ABI3BP: variants seen among roughly 807,000 people sequenced by gnomAD.
ABI3BP encodes ABI family member 3 binding protein.
A neutral mutation model predicts 268.6 loss-of-function variants in ABI3BP; 216 were observed. That is an observed-to-expected ratio of 0.80 (90% CI 0.72 to 0.90). The LOEUF is 0.90. Ranked by LOEUF, ABI3BP falls within the 40% of genes least tolerant of loss-of-function variation. ABI3BP has a pLI of 0.00. For synonymous variants in ABI3BP, 730 were observed against 730.0 expected (o/e 1.00, Z 0.00); for missense variants, 2,090 against 2,182.4 (o/e 0.96, Z 0.84).
chr3:100,989,484 G>T (rs1381628148), intron 1 of ABI3BP, among the ~76,000 whole-genome samples: 2 of 152,108 alleles, frequency 1.3e-5, no homozygotes, highest in Non-Finnish European at 2.9e-5. Context: ...TGTTCCTAAA[G>T]TCAGAGATTT....
intron 22 of ABI3BP, among the ~76,000 whole-genome samples, 161 bp downstream of exon 22, chr3:100,840,659 C>A (rs764568555): frequency 2.0e-5 from 3 of 152,046 alleles, no homozygotes; most frequent in Admixed American, 2.0e-4. Context: ...AGTTTATAAA[C>A]TATACCTATA....
In ABI3BP at chr3:100,992,782, C is replaced by A. The variant is rs562289762; in HGVS notation, c.79+524G>T. On this transcript the variant is annotated intron_variant, in intron 1 of 67. Transcript: ENST00000471714. ...AACAGCTCAAGCCCTCTTCCAAACT[C>A]CACTGGAGGGACGTGTCTGCAAATC... Among the ~76,000 whole-genome samples the A allele has an allele frequency of 7.7e-4, 118 of 152,318 alleles. 2 individuals are homozygous for A. Among genetic ancestry groups the A allele is most frequent in the African/African-American group, 2.8e-3 (116 of 41,568 alleles).
Position 100,775,249 on chromosome 3 carries a change from CTG to C in ABI3BP, c.4418_4419del (p.Thr1473ArgfsTer19), listed in dbSNP as rs2096666655. 1 of 1,611,602 alleles carries C rather than the reference CTG, an allele frequency of 6.2e-7. No homozygotes were observed. Among genetic ancestry groups the C allele is most frequent in the Non-Finnish European group, 8.5e-7 (1 of 1,178,890 alleles). ...GCAGGAACTGTTGGTTGCTTTATAT[CTG>C]TCTCTATTCTCTCCAAGGGAGTTCC... is the stretch of plus-strand genomic sequence containing the variant. ...PTGTPLERIE[T>X]DIKQPTVPAS... is the part of the protein sequence containing the mutation. On this transcript the variant is annotated frameshift_variant, in exon 60 of 68. Transcript: ENST00000471714. LOFTEE classifies it high-confidence loss of function.
rs991604354 is a variant in ABI3BP at position 100,796,318 on chromosome 3, A to G, written c.3817+91T>C. 12 of 1,018,446 alleles carry G rather than the reference A, an allele frequency of 1.2e-5. No individual in the cohort carries two copies. The African/African-American group carries it at 1.3e-4, about 11-fold the overall frequency. The allele number at this position is 1,018,446 out of a possible 1,614,324, so 63.1% of individuals were successfully genotyped here. A position where few individuals can be genotyped will look rare whatever the true frequency, so the allele number is the denominator to read the frequency against. On this transcript the variant is annotated intron_variant, in intron 52 of 67. Transcript: ENST00000471714. ...CATATTTTTTCTCTAAATTTCTTCC[A>G]TATCACAACCATTAAAAATATATTT...
Position 100,804,803 on chromosome 3 carries a change from T to C in ABI3BP, c.3746A>G (p.Tyr1249Cys). Reference sequence around the variant, plus strand: ...AATAAAGCATTTACCAGGTGTGGTGTATGACACTTCTGGACTTGGTGACGT... The same window carrying C: ...AATAAAGCATTTACCAGGTGTGGTGCATGACACTTCTGGACTTGGTGACGT... ...PKTSPSPEVS[Y>C]TTPAPKDVLL... The change falls in exon 51 of 68, where the codon TAC becomes TGC. Residue 1249 changes from tyrosine (Y) to cysteine (C), a missense_variant. Physicochemically the swap from Tyr to Cys is radical, Grantham distance 194. Transcript: ENST00000471714. 1 of 1,612,996 alleles carries C rather than the reference T, an allele frequency of 6.2e-7. No individual in the cohort carries two copies. Among genetic ancestry groups the C allele is most frequent in the East Asian group, 2.2e-5 (1 of 44,840 alleles).
chr3:100,841,535 A>G (rs1276376830), intron 21 of ABI3BP, among the ~76,000 whole-genome samples: 1 of 152,122 alleles, frequency 6.6e-6, no homozygotes, highest in African/African-American at 2.4e-5. Context: ...TGCTAAGTCA[A>G]GCACAGGCTG....
intron 2 of ABI3BP, among the ~76,000 whole-genome samples, chr3:100,923,724 G>C (rs2060968966): frequency 6.6e-6 from 1 of 152,140 alleles, no homozygotes. Context: ...TTAAAAAGCA[G>C]ATGAGAGAAA....
chr3:100,829,312 C>T (rs919157024), intron 33 of ABI3BP, among the ~76,000 whole-genome samples: 5 of 152,158 alleles, frequency 3.3e-5, no homozygotes, highest in African/African-American at 1.2e-4. Context: ...TAATCTCCCA[C>T]TTGCATGAAC....
chr3:100,909,015 A>G (rs1249109183), intron 2 of ABI3BP, among the ~76,000 whole-genome samples: 2 of 152,216 alleles, frequency 1.3e-5, no homozygotes, highest in Non-Finnish European at 2.9e-5. Context: ...CTATACCACA[A>G]GGCTACATTA....
In ABI3BP at chr3:100,816,784, T is replaced by A. The variant is rs762951916; in HGVS notation, c.3149-16A>T. ...GTTTTAGGAGCTGAAGGAAGAAACTTTGGATTACTCTAGTGCAGGTGGCTT... is the reference window on the plus strand; with the variant it reads ...GTTTTAGGAGCTGAAGGAAGAAACTATGGATTACTCTAGTGCAGGTGGCTT... On this transcript the variant is annotated splice_polypyrimidine_tract_variant and intron_variant, in intron 42 of 67. Transcript: ENST00000471714. The A allele has an allele frequency of 1.9e-5, 29 of 1,534,942 alleles. No individual in the cohort carries two copies. Among genetic ancestry groups the A allele is most frequent in the Non-Finnish European group, 2.5e-5 (29 of 1,145,878 alleles).
chr3:100,907,510 G>T (rs1216669428), intron 2 of ABI3BP, among the ~76,000 whole-genome samples: 1 of 151,902 alleles, frequency 6.6e-6, no homozygotes, highest in Non-Finnish European at 1.5e-5. Flanking sequence ...AATAAAAGCT[G>T]TAACAATGTC....
chr3:100,796,929 T>C lies in ABI3BP; in HGVS notation c.3758-461A>G, dbSNP rs545284825. ...CAATAAGAAATGGAAAAATCTTGAA[T>C]ATGTAAGAAGATAACACAGTCTTAT... On this transcript the variant is annotated intron_variant, in intron 51 of 67. Coordinates refer to ENST00000471714, the MANE Select transcript of ABI3BP (RefSeq NM_001375547.2). Among the ~76,000 whole-genome samples the C allele has an allele frequency of 6.6e-5, 10 of 152,194 alleles. No individual in the cohort carries two copies. In the South Asian group the frequency reaches 2.1e-3, roughly 32 times the overall value.
chr3:100,801,361 G>A (rs568941151), intron 51 of ABI3BP, among the ~76,000 whole-genome samples: 61 of 148,958 alleles, frequency 4.1e-4, no homozygotes, highest in African/African-American at 1.5e-3. Context: ...CCAGGGGATC[G>A]AGGCTGCAGT....
At chr3:100,791,829 T>C (rs1440860343) in intron 55 of ABI3BP, among the ~76,000 whole-genome samples, 1 of 151,922 alleles carries the variant, frequency 6.6e-6, no homozygotes, top group African/African-American at 2.4e-5. Flanking sequence ...CAGTGACACA[T>C]GTACTTTAAA....
intron 1 of ABI3BP, among the ~76,000 whole-genome samples, chr3:100,980,227 T>A (rs974818815): frequency 5.3e-5 from 8 of 152,194 alleles, no homozygotes. Flanking sequence ...AGGACTTTCA[T>A]CTATTTCTTT....
In ABI3BP at chr3:100,811,626, G is replaced by A. The variant is rs1377544936; in HGVS notation, c.3493+102C>T. ...AGCTCCTTCAAATCTGTTTAATTGT[G>A]AATCAAGTACCACAGCTTGAACTTT... On this transcript the variant is annotated intron_variant, in intron 47 of 67. Transcript: ENST00000471714. 7.6e-6 allele frequency: 9 copies of A among 1,191,056 alleles called. No homozygotes were observed. In the African/African-American group the frequency reaches 1.1e-4, roughly 14 times the overall value. The allele number at this position is 1,191,056 out of a possible 1,614,324, so 73.8% of individuals were successfully genotyped here.
intron 34 of ABI3BP, among the ~76,000 whole-genome samples, chr3:100,827,250 G>A (rs749837895): frequency 9.9e-5 from 15 of 152,136 alleles, no homozygotes; most frequent in Non-Finnish European, 1.6e-4. Context: ...TGCACACTGC[G>A]AAGTAAAACA....
intron 14 of ABI3BP, among the ~76,000 whole-genome samples, chr3:100,858,798 A>C (rs539395972): frequency 1.7e-3 from 257 of 152,286 alleles, no homozygotes; most frequent in African/African-American, 5.7e-3. Flanking sequence ...GGATCAAGAC[A>C]AAAACAAGAC....
At chr3:100,848,054 T>C (rs543462772) in intron 18 of ABI3BP, among the ~76,000 whole-genome samples, 1 of 152,330 alleles carries the variant, frequency 6.6e-6, no homozygotes, top group South Asian at 2.1e-4. Flanking sequence ...CAACTCTTTC[T>C]TGGAGCATTT....
Sources: allele counts gnomAD v4.1 joint callset (sites outside exome capture counted in the v4.1 genomes callset), GRCh38; gene constraint gnomAD v4.1.1; transcripts MANE v1.5; gene names NCBI Gene and HGNC (gene_info 2026-07-23, HGNC 2026-07-21).